The following CAAP1 variants were observed in gnomAD, a reference collection of about 807,000 sequenced individuals.
The protein encoded by CAAP1 is caspase activity and apoptosis inhibitor 1.
A neutral mutation model predicts 34.0 loss-of-function variants in CAAP1; 20 were observed. The observed-to-expected ratio is 0.59, with a 90% CI of 0.41 to 0.86. The LOEUF is 0.86. CAAP1 is among the 40% of genes least tolerant of loss of function. The pLI is 0.00. For missense variants in CAAP1, 538 were observed against 450.5 expected (o/e 1.19, Z -1.76); for synonymous variants, 213 against 166.7 (o/e 1.28, Z -2.14).
chr9:26,856,133 G>A (rs1023997498), intron 5 of CAAP1, among the ~76,000 whole-genome samples: 1 of 151,356 alleles, frequency 6.6e-6, no homozygotes, highest in African/African-American at 2.4e-5. Flanking sequence ...TTAAAAGGGG[G>A]GGGGTAGAAT....
At chr9:26,882,481 A>G (rs1191362816) in intron 4 of CAAP1, among the ~76,000 whole-genome samples, 1 of 152,190 alleles carries the variant, frequency 6.6e-6, no homozygotes, top group Non-Finnish European at 1.5e-5. Context: ...AGGTTTGGGA[A>G]TCTCCACCTA....
At chr9:26,861,922 G>A (rs537147825) in intron 4 of CAAP1, among the ~76,000 whole-genome samples, 24 of 152,160 alleles carry the variant, frequency 1.6e-4, no homozygotes, top group South Asian at 4.2e-4. Flanking sequence ...TCAAATAACC[G>A]AAGGATTAAA....
At chr9:26,889,244 C>A (rs959067315) in intron 1 of CAAP1, among the ~76,000 whole-genome samples, 1 of 151,908 alleles carries the variant, frequency 6.6e-6, no homozygotes, top group Non-Finnish European at 1.5e-5. Context: ...TGGTGAAACC[C>A]CGTGTCTAAT....
intron 3 of CAAP1, 126 bp from the exon 4 acceptor site, chr9:26,885,011 TA>T (rs1398652972): frequency 1.1e-5 from 7 of 650,778 alleles, no homozygotes; most frequent in Non-Finnish European, 1.6e-5. Flanking sequence ...GGTCAAAACT[TA>T]AATTTTTAAT....
intron 4 of CAAP1, among the ~76,000 whole-genome samples, chr9:26,868,107 T>C (rs1022751988): frequency 1.3e-5 from 2 of 152,240 alleles, no homozygotes; most frequent in Non-Finnish European, 2.9e-5. Flanking sequence ...ATAAGAGTTA[T>C]CTTCAGTTTC....
rs116783371 is a variant in CAAP1 at position 26,850,208 on chromosome 9, C to T, written c.740-7561G>A. On this transcript the variant is annotated intron_variant, in intron 5 of 5. Transcript: ENST00000333916. ...TTTATCAAAATAGGTATCACATTAC[C>T]TGTTATATTTCTTGCTACTGACTAG... Among the ~76,000 whole-genome samples the T allele has an allele frequency of 2.8e-3, 425 of 152,250 alleles. 1 individual carries two copies. The highest frequency in any genetic ancestry group is 9.6e-3 in the African/African-American group (399 of 41,542).
At chr9:26,872,725 A>G (rs1587114277) in intron 4 of CAAP1, among the ~76,000 whole-genome samples, 1 of 152,026 alleles carries the variant, frequency 6.6e-6, no homozygotes, top group East Asian at 1.9e-4. Flanking sequence ...CCCTAAAATA[A>G]TTCTTATCAA....
chr9:26,882,690 A>G (rs1250907314), intron 4 of CAAP1, among the ~76,000 whole-genome samples: 1 of 152,180 alleles, frequency 6.6e-6, no homozygotes, highest in African/African-American at 2.4e-5. Context: ...CCAGAAGGGT[A>G]TATTCACTGA....
chr9:26,862,541 T>G (rs191589811), intron 4 of CAAP1, among the ~76,000 whole-genome samples: 1 of 152,096 alleles, frequency 6.6e-6, no homozygotes, highest in African/African-American at 2.4e-5. Flanking sequence ...ATAACCTGTA[T>G]TATGAAGAAT....
At chr9:26,868,037 T>C (rs886489375) in intron 4 of CAAP1, among the ~76,000 whole-genome samples, 5 of 152,190 alleles carry the variant, frequency 3.3e-5, no homozygotes, top group Admixed American at 1.3e-4. Context: ...ACTTGTGTAC[T>C]ATTTGAATTT....
chr9:26,889,469 T>A (rs1250652274), intron 1 of CAAP1, among the ~76,000 whole-genome samples: 1 of 152,028 alleles, frequency 6.6e-6, no homozygotes, highest in African/African-American at 2.4e-5. Context: ...GTTGTACAAC[T>A]CTGAATATAT....
intron 1 of CAAP1, among the ~76,000 whole-genome samples, chr9:26,888,046 C>T (rs560204974): frequency 6.6e-6 from 1 of 152,296 alleles, no homozygotes; most frequent in East Asian, 1.9e-4. Context: ...TGTCTCCCAA[C>T]TCTATCCAGT....
chr9:26,892,656 G>A lies in CAAP1; in HGVS notation c.60C>T (p.Ala20=), dbSNP rs3739548. The A allele has an allele frequency of 0.07, 112,373 of 1,607,344 alleles. 14,505 individuals carry two copies. The highest frequency in any genetic ancestry group is 0.67 in the East Asian group (30,025 of 44,790). The part of the protein sequence containing the change: ...KRRKRSSQEA[A]AALAAPDIVP... ...CGATGTCCGGGGCCGCGAGCGCTGC[G>A]GCCGCCTCCTGACTGCTACGTTTGC... Residue 20 remains alanine, a synonymous_variant, in exon 1 of 6, where the codon GCC becomes GCT. Transcript: ENST00000333916.
At chr9:26,856,577 A>T (rs1286087279) in intron 5 of CAAP1, among the ~76,000 whole-genome samples, 1 of 152,208 alleles carries the variant, frequency 6.6e-6, no homozygotes, top group Admixed American at 6.5e-5. Flanking sequence ...CCATTGCTTG[A>T]ATCCTCTACA....
intron 5 of CAAP1, among the ~76,000 whole-genome samples, chr9:26,852,797 T>C (rs536443379): frequency 2.8e-4 from 43 of 151,362 alleles, no homozygotes; most frequent in Non-Finnish European, 5.5e-4. Context: ...TTACGAGCTC[T>C]GGAAAAAAAA....
chr9:26,844,517 G>A (rs1822551404), intron 5 of CAAP1, among the ~76,000 whole-genome samples: 1 of 152,160 alleles, frequency 6.6e-6, no homozygotes, highest in African/African-American at 2.4e-5. Context: ...TTTGAAAAAT[G>A]TGACTTGTTT....
At chr9:26,856,176 T>G (rs974038104) in intron 5 of CAAP1, among the ~76,000 whole-genome samples, 2 of 152,042 alleles carry the variant, frequency 1.3e-5, no homozygotes, top group Non-Finnish European at 2.9e-5. Flanking sequence ...TCTGTGTGCA[T>G]ATTTTGTGCT....
chr9:26,886,327 T>C lies in CAAP1; in HGVS notation c.505-139A>G, dbSNP rs187580548. On this transcript the variant is annotated intron_variant, in intron 2 of 5. Coordinates refer to ENST00000333916, the MANE Select transcript of CAAP1 (RefSeq NM_024828.4). ...AAAGCCTCAAGTAGATTCACATACATCTTTTCCTGGGATGAAATCTGAAAA... is the reference window on the plus strand; with the variant it reads ...AAAGCCTCAAGTAGATTCACATACACCTTTTCCTGGGATGAAATCTGAAAA... 7.3e-6 allele frequency: 3 copies of C among 409,538 alleles called. No individual in the cohort carries two copies. In the East Asian group the frequency reaches 1.1e-4, roughly 15 times the overall value. 25.4% of individuals were successfully genotyped at this position (409,538 alleles called of 1,614,324 possible).
intron 1 of CAAP1, among the ~76,000 whole-genome samples, chr9:26,891,307 A>T (rs1323994583): frequency 2.0e-5 from 3 of 152,224 alleles, no homozygotes; most frequent in Admixed American, 6.5e-5. Flanking sequence ...CAAACTATTA[A>T]TTTGACCCAC....
Sources: allele counts gnomAD v4.1 joint callset (sites outside exome capture counted in the v4.1 genomes callset), GRCh38; gene constraint gnomAD v4.1.1; transcripts MANE v1.5; gene names NCBI Gene and HGNC (gene_info 2026-07-23, HGNC 2026-07-21).